Variants in FZD3 observed in about 807,000 individuals in gnomAD.
FZD3 encodes the protein frizzled class receptor 3, also known as frizzled-3.
Under a neutral mutation model 60.7 loss-of-function variants are expected in FZD3, and 30 were observed. That is an observed-to-expected ratio of 0.49 (90% CI 0.37 to 0.67). The LOEUF (loss-of-function observed/expected upper bound fraction) is 0.67. FZD3 is among the 30% of genes least tolerant of loss of function. The pLI is 0.00. For synonymous variants in FZD3, 246 were observed against 275.2 expected (o/e 0.89, Z 1.05); for missense variants, 605 against 838.7 (o/e 0.72, Z 3.44).
intron 1 of FZD3, among the ~76,000 whole-genome samples, chr8:28,495,820 A>G (rs1294575297): frequency 6.6e-6 from 1 of 152,132 alleles, no homozygotes; most frequent in Non-Finnish European, 1.5e-5. Flanking sequence ...ATAAAATATA[A>G]CTAAGATGCA....
Position 28,562,865 on chromosome 8 carries a change from G to C in FZD3, c.1855G>C (p.Asp619His). Residue 619 changes from aspartate to histidine, a missense_variant, in exon 8 of 8, where the codon GAT becomes CAT. Transcript: ENST00000240093. ...LPHGSMSRLT[D>H]HSRHSSSHRL... ...TCATGGCAGCATGTCACGACTAACA[G>C]ATCACTCCAGGCATAGTAGTTCTCA... The C allele has an allele frequency of 6.2e-7, 1 of 1,613,706 alleles. No individual in the cohort carries two copies.
chr8:28,572,715 G>A lies in FZD3; in HGVS notation c.*9704G>A, dbSNP rs946976668. Reference sequence around the variant, plus strand: ...AACTGGAATGTTATCCTCTTGGTAGGCATTCTAAATTAATGAATACTGCTA... The same window carrying A: ...AACTGGAATGTTATCCTCTTGGTAGACATTCTAAATTAATGAATACTGCTA... On this transcript the variant is annotated 3_prime_UTR_variant, in exon 8 of 8. Coordinates refer to ENST00000240093, the MANE Select transcript of FZD3 (RefSeq NM_017412.4). The A allele has an allele frequency of 1.6e-4, 24 of 152,154 alleles. No individual in the cohort carries two copies. The highest frequency in any genetic ancestry group is 5.8e-4 in the African/African-American group (24 of 41,538). 9.4% of individuals were successfully genotyped at this position (152,154 alleles called of 1,614,324 possible).
At chr8:28,505,600 C>T (rs1297639452) in intron 3 of FZD3, among the ~76,000 whole-genome samples, 1 of 152,196 alleles carries the variant, frequency 6.6e-6, no homozygotes, top group Non-Finnish European at 1.5e-5. Context: ...GATCCACCCA[C>T]TTGGGCCTCC....
chr8:28,571,164 T>C lies in FZD3; in HGVS notation c.*8153T>C, dbSNP rs1563412984. The C allele has an allele frequency of 6.6e-6, 1 of 152,188 alleles. No homozygotes were observed. The allele number at this position is 152,188 out of a possible 1,614,324, so 9.4% of individuals were successfully genotyped here. ...TGGGTTTTGATAATGGGATATTCTG[T>C]AAGATAAAGCAAGTAATCCTAGAGT... is the stretch of plus-strand genomic sequence containing the variant. On this transcript the variant is annotated 3_prime_UTR_variant, in exon 8 of 8. Coordinates refer to ENST00000240093, the MANE Select transcript of FZD3 (RefSeq NM_017412.4).
intron 7 of FZD3, among the ~76,000 whole-genome samples, chr8:28,559,051 T>C (rs950249564): frequency 2.0e-5 from 3 of 152,112 alleles, no homozygotes; most frequent in African/African-American, 7.2e-5. Context: ...GTCAGATTGG[T>C]TCGTGAAAGT....
Position 28,563,201 on chromosome 8 carries a change from C to CT in FZD3, c.*191dup. 1 of 560,256 alleles carries CT rather than the reference C, an allele frequency of 1.8e-6. No homozygotes were observed. 34.7% of individuals were successfully genotyped at this position (560,256 alleles called of 1,614,324 possible). On this transcript the variant is annotated 3_prime_UTR_variant, in exon 8 of 8. Transcript: ENST00000240093. ...TTGGAACATCAAGGCATCCAAAACACTAAGAATTCTATCATCACAAAAATA... is the reference window on the plus strand; with the variant it reads ...TTGGAACATCAAGGCATCCAAAACACTTAAGAATTCTATCATCACAAAAATA...
chr8:28,500,099 A>G (rs1035717085), intron 2 of FZD3, 121 bp downstream of exon 2: 6 of 152,164 alleles, frequency 3.9e-5, no homozygotes, highest in African/African-American at 7.2e-5. Flanking sequence ...TTTAACACCT[A>G]TACTTTACCT....
chr8:28,512,419 C>T (rs779133903), intron 3 of FZD3, among the ~76,000 whole-genome samples: 71 of 151,642 alleles, frequency 4.7e-4, no homozygotes, highest in Non-Finnish European at 9.3e-4. Context: ...AGTGAGTGAT[C>T]GGGTGGAATT....
Position 28,521,075 on chromosome 8 carries a change from C to T in FZD3, c.386+241C>T, listed in dbSNP as rs920351531. On this transcript the variant is annotated intron_variant, in intron 4 of 7. Transcript: ENST00000240093. ...AGACTTAAGAATTACATAATCAAGA[C>T]AGTTGATTTTTCCCCCTTTAAAACA... Among the ~76,000 whole-genome samples the T allele has an allele frequency of 3.2e-4, 48 of 152,094 alleles. 1 individual carries two copies. The highest frequency in any genetic ancestry group is 5.9e-5 in the Non-Finnish European group (4 of 68,006).
rs1390015636 is a variant in FZD3 at position 28,568,476 on chromosome 8, C to T, written c.*5465C>T. ...GTTTTTTACTAATTTAATCTTAATC[C>T]TGTGCTTCTTTAGTCATCAAATTGA... On this transcript the variant is annotated 3_prime_UTR_variant, in exon 8 of 8. Transcript: ENST00000240093. 6.6e-6 allele frequency: 1 copy of T among 151,930 alleles called. No individual in the cohort carries two copies. The highest frequency in any genetic ancestry group is 2.4e-5 in the African/African-American group (1 of 41,376). The allele number at this position is 151,930 out of a possible 1,614,324, so 9.4% of individuals were successfully genotyped here. A position where few individuals can be genotyped will look rare whatever the true frequency, so the allele number is the denominator to read the frequency against.
intron 5 of FZD3, among the ~76,000 whole-genome samples, chr8:28,540,709 C>A (rs1178529449): frequency 6.6e-6 from 1 of 152,100 alleles, no homozygotes; most frequent in African/African-American, 2.4e-5. Flanking sequence ...CTTTGGGAGG[C>A]CAAGACAGGT....
At chr8:28,507,621 A>G (rs1477435343) in intron 3 of FZD3, among the ~76,000 whole-genome samples, 1 of 152,168 alleles carries the variant, frequency 6.6e-6, no homozygotes, top group African/African-American at 2.4e-5. Flanking sequence ...CTCATTGACT[A>G]TTGGATTACT....
At chr8:28,551,886 T>C in intron 6 of FZD3, 135 bp downstream of exon 6, 1 of 718,326 alleles carries the variant, frequency 1.4e-6, no homozygotes, top group Non-Finnish European at 2.3e-6. Flanking sequence ...TATCCAGTTA[T>C]GATTGGCACA....
In FZD3 at chr8:28,571,040, A is replaced by AG. The variant is rs1805799558; in HGVS notation, c.*8029_*8030insG. On this transcript the variant is annotated 3_prime_UTR_variant, in exon 8 of 8. Transcript: ENST00000240093. ...TCGATTGCCTACCAAAAAAAAAAAA[A>AG]AAAGAAAAGGTTTGTTTTTAGTTCT... 6.6e-6 allele frequency: 1 copy of AG among 151,914 alleles called. No homozygotes were observed. The highest frequency in any genetic ancestry group is 1.9e-4 in the East Asian group (1 of 5,188). 9.4% of individuals were successfully genotyped at this position (151,914 alleles called of 1,614,324 possible).
intron 5 of FZD3, among the ~76,000 whole-genome samples, chr8:28,533,728 G>A (rs1242696995): frequency 1.3e-5 from 2 of 152,126 alleles, no homozygotes; most frequent in East Asian, 3.8e-4. Context: ...AACATCTCAT[G>A]GGTTAGTAAC....
At chr8:28,505,578 C>T (rs763641590) in intron 3 of FZD3, among the ~76,000 whole-genome samples, 1 of 152,222 alleles carries the variant, frequency 6.6e-6, no homozygotes, top group African/African-American at 2.4e-5. Context: ...TCTCGAACTC[C>T]TGGGCTGAAG....
At chr8:28,522,024 CGTT>C (rs977629731) in intron 4 of FZD3, among the ~76,000 whole-genome samples, 2 of 151,936 alleles carry the variant, frequency 1.3e-5, no homozygotes, top group African/African-American at 4.8e-5. Context: ...CCTCACTTAA[CGTT>C]GTTGATAGGT....
At position 28,511,658 on chromosome 8, in the gene FZD3, A is replaced by G. The variant is rs113601056; in HGVS notation, c.189+8456A>G. On this transcript the variant is annotated intron_variant, in intron 3 of 7. Transcript: ENST00000240093. ...CTCTTGTAGTATCCCCTTTGGTAAT[A>G]TCTTAATTTTCAAGGCGTGGTGTGG... Among the ~76,000 whole-genome samples, 1,402 of 152,270 alleles carry G rather than the reference A, an allele frequency of 9.2e-3. 25 individuals are homozygous for G. Among genetic ancestry groups the G allele is most frequent in the African/African-American group, 0.032 (1,315 of 41,538 alleles).
At position 28,527,127 on chromosome 8, in the gene FZD3, C is replaced by T. The variant is rs374167829; in HGVS notation, c.387-20C>T. 1.3e-6 allele frequency: 2 copies of T among 1,581,356 alleles called. No homozygotes were observed. The highest frequency in any genetic ancestry group is 2.7e-5 in the African/African-American group (2 of 73,158). On this transcript the variant is annotated intron_variant, in intron 4 of 7. Coordinates refer to ENST00000240093, the MANE Select transcript of FZD3 (RefSeq NM_017412.4). The surrounding 1 kb of genome is among the most constrained non-coding windows in gnomAD (Gnocchi z 5.0). ...TTTCCCCATAAGTAAAAATAGTTCT[C>T]ATCTTGTTTTGTTTTTTAGGTTCCC... is the stretch of plus-strand genomic sequence containing the variant.
Sources: gnomAD v4.1 joint callset for allele counts (sites outside exome capture counted in the v4.1 genomes callset) on GRCh38, gnomAD v4.1.1 for gene constraint, Gnocchi (gnomAD v3.1) non-coding constraint, MANE v1.5 for transcripts, NCBI Gene and HGNC (gene_info 2026-07-23, HGNC 2026-07-21) for gene names.